AKAP11: variants seen among roughly 807,000 people sequenced by gnomAD.
AKAP11 encodes A-kinase anchor protein 11.
AKAP11 carries 36 observed loss-of-function variants against 146.1 expected under a neutral mutation model. The ratio of observed to expected loss-of-function variants is 0.25; its 90% CI spans 0.19 to 0.33. AKAP11 has a LOEUF of 0.33. AKAP11 is among the 10% of genes least tolerant of loss of function. The pLI, the probability that AKAP11 is intolerant of heterozygous loss-of-function variation, is 1.00. For missense variants in AKAP11, 2,201 were observed against 2,197.0 expected (o/e 1.00, Z -0.04); for synonymous variants, 780 against 786.5 (o/e 0.99, Z 0.14).
chr13:42,318,929 G>A (rs1283424204), intron 12 of AKAP11, among the ~76,000 whole-genome samples, 159 bp from the exon 13 acceptor site: 5 of 152,194 alleles, frequency 3.3e-5, no homozygotes, highest in Admixed American at 3.3e-4. Context: ...TTTGGGTAAA[G>A]GGGTAGCGGT....
Position 42,300,366 on chromosome 13 carries a change from A to G in AKAP11, c.1620A>G (p.Lys540=). ...ACCTTGATCAAAAAAATAAATCTAA[A>G]AATAAATCCTTAATGATTAAAGATA... The part of the protein sequence containing the change: ...HGNLDQKNKS[K]NKSLMIKDSI... Residue 540 remains lysine, a synonymous_variant, in exon 8 of 13, where the codon AAA becomes AAG. Coordinates refer to ENST00000025301, the MANE Select transcript of AKAP11 (RefSeq NM_016248.4). The G allele has an allele frequency of 6.2e-7, 1 of 1,605,506 alleles. No homozygotes were observed. The highest frequency in any genetic ancestry group is 8.5e-7 in the Non-Finnish European group (1 of 1,177,630).
chr13:42,308,782 A>G (rs1184959259), intron 9 of AKAP11, among the ~76,000 whole-genome samples, 173 bp downstream of exon 9: 1 of 152,238 alleles, frequency 6.6e-6, no homozygotes, highest in East Asian at 1.9e-4. Flanking sequence ...TATTTAATAC[A>G]GTAAGTAGCC....
intron 6 of AKAP11, 100 bp from the exon 7 acceptor site, chr13:42,298,429 CTTGT>C (rs1959636629): frequency 2.2e-5 from 27 of 1,248,112 alleles, no homozygotes; most frequent in Non-Finnish European, 3.0e-5. Context: ...GCATGAATTT[CTTGT>C]TTGTTTTTTT....
At chr13:42,298,435 T>C in intron 6 of AKAP11, 98 bp from the exon 7 acceptor site, 7 of 1,311,862 alleles carry the variant, frequency 5.3e-6, no homozygotes, top group Non-Finnish European at 7.3e-6. Context: ...ATTTCTTGTT[T>C]GTTTTTTTCT....
chr13:42,301,061 G>A lies in AKAP11; in HGVS notation c.2315G>A (p.Cys772Tyr). 1.2e-6 allele frequency: 2 copies of A among 1,614,100 alleles called. No individual in the cohort carries two copies. Among genetic ancestry groups the A allele is most frequent in the Non-Finnish European group, 8.5e-7 (1 of 1,179,956 alleles). ...TACACAGTGCAGCAGGCCTTGTTTTGTACTTCTGGAATTGTTACTTCTATA... is the reference window on the plus strand; with the variant it reads ...TACACAGTGCAGCAGGCCTTGTTTTATACTTCTGGAATTGTTACTTCTATA... ...KEYTVQQALF[C>Y]TSGIVTSIPV... Residue 772 changes from cysteine (C) to tyrosine (Y), a missense_variant, in exon 8 of 13, where the codon TGT (cysteine) becomes TAT (tyrosine). Physicochemically the swap from Cys to Tyr is radical, Grantham distance 194. This residue lies in a region of AKAP11 where 1,867 missense variants were observed against 1,833.5 expected (regional missense o/e 1.02). Coordinates refer to ENST00000025301, the MANE Select transcript of AKAP11 (RefSeq NM_016248.4).
rs1429643908 is a variant in AKAP11, at chr13:42,320,385, T to C, written c.*1157T>C. 1 of 140,174 alleles carries C rather than the reference T, an allele frequency of 7.1e-6. No individual in the cohort carries two copies. Among genetic ancestry groups the C allele is most frequent in the Non-Finnish European group, 1.5e-5 (1 of 65,742 alleles). 8.7% of individuals were successfully genotyped at this position (140,174 alleles called of 1,614,324 possible). ...GTTCTCTGACACGATCTTTCTGGGCTCTACATTTCCTACTAGTTTGTGTCC... is the reference window on the plus strand; with the variant it reads ...GTTCTCTGACACGATCTTTCTGGGCCCTACATTTCCTACTAGTTTGTGTCC... On this transcript the variant is annotated 3_prime_UTR_variant, in exon 13 of 13. Coordinates refer to ENST00000025301, the MANE Select transcript of AKAP11 (RefSeq NM_016248.4).
At chr13:42,297,027 A>G in intron 5 of AKAP11, 21 bp from the exon 6 acceptor site, 1 of 1,584,866 alleles carries the variant, frequency 6.3e-7, no homozygotes, top group Non-Finnish European at 8.6e-7. Context: ...AGTGTTACTT[A>G]TTGTTATTAT....
intron 1 of AKAP11, among the ~76,000 whole-genome samples, chr13:42,273,836 G>A (rs1391644088): frequency 6.6e-6 from 1 of 152,104 alleles, no homozygotes; most frequent in Non-Finnish European, 1.5e-5. Flanking sequence ...TCTGGAAAAG[G>A]AACTCAAACC....
chr13:42,292,667 T>A (rs536855617), intron 4 of AKAP11, among the ~76,000 whole-genome samples, 166 bp downstream of exon 4: 2 of 152,302 alleles, frequency 1.3e-5, no homozygotes, highest in African/African-American at 4.8e-5. Flanking sequence ...AAAAAAGAAG[T>A]ACCTGTTTTA....
At chr13:42,308,386 A>G (rs972890946) in intron 8 of AKAP11, 68 bp from the exon 9 acceptor site, 1 of 1,294,974 alleles carries the variant, frequency 7.7e-7, no homozygotes, top group South Asian at 1.5e-5. Context: ...CATCAAATTG[A>G]TAGTCTTGTA....
chr13:42,319,326 C>T lies in AKAP11; in HGVS notation c.*98C>T, dbSNP rs886695324. ...AAATTTGAATAGTGAATATTAACATCGTAAGTCAGTTGGGAGGCAAGTAAA... is the reference window on the plus strand; with the variant it reads ...AAATTTGAATAGTGAATATTAACATTGTAAGTCAGTTGGGAGGCAAGTAAA... On this transcript the variant is annotated 3_prime_UTR_variant, in exon 13 of 13. Coordinates refer to ENST00000025301, the MANE Select transcript of AKAP11 (RefSeq NM_016248.4). The T allele has an allele frequency of 1.9e-5, 28 of 1,459,054 alleles. No individual in the cohort carries two copies. The highest frequency in any genetic ancestry group is 1.3e-4 in the South Asian group (10 of 74,206). The allele number at this position is 1,459,054 out of a possible 1,614,324, so 90.4% of individuals were successfully genotyped here.
rs1001043355 is a variant in AKAP11 at position 42,319,464 on chromosome 13, GA to G, written c.*237del. 2.2e-5 allele frequency: 10 copies of G among 452,764 alleles called. No homozygotes were observed. Among genetic ancestry groups the G allele is most frequent in the Non-Finnish European group, 3.7e-5 (10 of 267,266 alleles). The allele number at this position is 452,764 out of a possible 1,614,324, so 28.0% of individuals were successfully genotyped here. On this transcript the variant is annotated 3_prime_UTR_variant, in exon 13 of 13. Transcript: ENST00000025301. Reference sequence around the variant, plus strand: ...TCTATACACATGTGTAGTGTGTCAAGACCCTAAGAACATGTATTTGAAGGAA... The same window carrying G: ...TCTATACACATGTGTAGTGTGTCAAGCCCTAAGAACATGTATTTGAAGGAA...
At position 42,303,875 on chromosome 13, in the gene AKAP11, G is replaced by A. The variant is rs190486169; in HGVS notation, c.5117+12G>A. The A allele has an allele frequency of 1.1e-4, 167 of 1,548,410 alleles. No individual in the cohort carries two copies. The African/African-American group carries it at 1.6e-3, about 15-fold the overall frequency. On this transcript the variant is annotated intron_variant, in intron 8 of 12. Coordinates refer to ENST00000025301, the MANE Select transcript of AKAP11 (RefSeq NM_016248.4). ...CATGCTGTTAGCAGGTAAGTTTCAC[G>A]TTTCTTTTGGTTGTTAATGATAAAT...
rs572320188 is a variant in AKAP11, at chr13:42,310,813, T to C, written c.5273+2204T>C. On this transcript the variant is annotated intron_variant, in intron 9 of 12. Transcript: ENST00000025301. ...GGCAGAGATTGCAGTGAGCTGAGATTGTGCCACTGTACTCCATCCTGGGCG... is the reference window on the plus strand; with the variant it reads ...GGCAGAGATTGCAGTGAGCTGAGATCGTGCCACTGTACTCCATCCTGGGCG... Among the ~76,000 whole-genome samples, 99 of 151,416 alleles carry C rather than the reference T, an allele frequency of 6.5e-4. 2 individuals carry two copies. The highest frequency in any genetic ancestry group is 2.9e-5 in the Non-Finnish European group (2 of 67,900).
chr13:42,290,010 A>G (rs1959193673), intron 3 of AKAP11, among the ~76,000 whole-genome samples: 2 of 152,036 alleles, frequency 1.3e-5, no homozygotes, highest in South Asian at 2.1e-4. Context: ...ATTCAGTAAC[A>G]TCATCTAGCA....
intron 6 of AKAP11, 67 bp downstream of exon 6, chr13:42,297,249 T>A: frequency 8.5e-7 from 1 of 1,176,198 alleles, no homozygotes; most frequent in Non-Finnish European, 1.1e-6. Context: ...ATAAAGATGA[T>A]TAAACTTTTA....
chr13:42,275,872 G>T (rs1357631643), intron 1 of AKAP11, among the ~76,000 whole-genome samples: 1 of 152,206 alleles, frequency 6.6e-6, no homozygotes, highest in East Asian at 1.9e-4. Flanking sequence ...AGCATACCGT[G>T]TGGCAGGTAC....
Position 42,300,422 on chromosome 13 carries a change from A to G in AKAP11, c.1676A>G (p.Glu559Gly), listed in dbSNP as rs1407270759. The change falls in exon 8 of 13, where the codon GAA becomes GGA. Residue 559 changes from glutamate (E) to glycine (G), a missense_variant. Glu to Gly is a moderately conservative substitution (Grantham distance 98, BLOSUM62 -2). Transcript: ENST00000025301. Reference protein sequence around the residue: ...SIQKFAADLVEKSFGSAFKDL... With the variant: ...SIQKFAADLVGKSFGSAFKDL... The stretch of plus-strand genomic sequence containing the variant: ...CAAAAATTTGCAGCAGATCTTGTGG[A>G]AAAAAGTTTTGGCAGTGCATTTAAA... 2 of 1,613,120 alleles carry G rather than the reference A, an allele frequency of 1.2e-6. No homozygotes were observed. Among genetic ancestry groups the G allele is most frequent in the Non-Finnish European group, 1.7e-6 (2 of 1,179,824 alleles).
At chr13:42,283,115 C>G (rs114846415) in intron 1 of AKAP11, among the ~76,000 whole-genome samples, 52 of 152,158 alleles carry the variant, frequency 3.4e-4, no homozygotes, top group African/African-American at 1.2e-3. Context: ...TGATTTTTTT[C>G]TTTGCTTTAC....
Sources: gnomAD v4.1 joint callset for allele counts (sites outside exome capture counted in the v4.1 genomes callset) on GRCh38, gnomAD v4.1.1 for gene constraint, gnomAD v4.1.1 regional missense constraint, MANE v1.5 for transcripts, NCBI Gene and HGNC (gene_info 2026-07-23, HGNC 2026-07-21) for gene names.